The following ZC3H12C variants were observed in gnomAD, a reference collection of about 807,000 sequenced individuals.
ZC3H12C encodes the protein probable ribonuclease ZC3H12C.
Under a neutral mutation model 76.3 loss-of-function variants are expected in ZC3H12C, and 20 were observed. The ratio of observed to expected loss-of-function variants is 0.26; its 90% CI spans 0.18 to 0.38. ZC3H12C has a LOEUF of 0.38. ZC3H12C is among the 10% of genes least tolerant of loss of function. The pLI, the probability that ZC3H12C is intolerant of heterozygous loss-of-function variation, is 1.00. For synonymous variants in ZC3H12C, 352 were observed against 399.6 expected, an observed-to-expected ratio of 0.88 and a Z score of 1.42; for missense variants, 874 against 1,086.5, an observed-to-expected ratio of 0.80 and a Z score of 2.75.
Position 110,137,029 on chromosome 11 carries a change from A to G in ZC3H12C, c.388A>G (p.Ile130Val), listed in dbSNP as rs1212636827. 3.1e-6 allele frequency: 5 copies of G among 1,613,772 alleles called. No homozygotes were observed. The highest frequency in any genetic ancestry group is 2.7e-5 in the African/African-American group (2 of 74,942). ...CAGGTCTCCCTGTTTAGAGCCTCAC[A>G]TACTCAAGCGCAATGAAATTTTGCA... ...LCRSPCLEPH[I>V]LKRNEILQDF... is the part of the protein sequence containing the mutation. The change falls in exon 2 of 6, where the codon ATA (isoleucine) becomes GTA (valine). Residue 130 changes from isoleucine (I) to valine (V), a missense_variant. This residue lies in a region of ZC3H12C where 210 missense variants were observed against 227.1 expected (regional missense o/e 0.92). Transcript: ENST00000278590.
chr11:110,139,176 C>T (rs867095405), intron 2 of ZC3H12C, among the ~76,000 whole-genome samples: 5 of 152,232 alleles, frequency 3.3e-5, no homozygotes, highest in Middle Eastern at 6.8e-3. Flanking sequence ...ATAGCTTTTT[C>T]GGGTGGAGGC....
At chr11:110,152,809 C>A in intron 2 of ZC3H12C, 110 bp from the exon 3 acceptor site, 1 of 1,221,460 alleles carries the variant, frequency 8.2e-7, no homozygotes, top group Non-Finnish European at 1.1e-6. Flanking sequence ...TTAACTCTGA[C>A]GTCTCTTATT....
At chr11:110,163,211 T>G in intron 4 of ZC3H12C, 62 bp from the exon 5 acceptor site, 1 of 1,426,064 alleles carries the variant, frequency 7.0e-7, no homozygotes, top group Non-Finnish European at 9.5e-7. Flanking sequence ...CTTTGTACTC[T>G]TTTTAGAATT....
Position 110,164,751 on chromosome 11 carries a change from C to G in ZC3H12C, c.1666C>G (p.Gln556Glu), listed in dbSNP as rs1862545371. The G allele has an allele frequency of 6.2e-7, 1 of 1,614,040 alleles. No homozygotes were observed. The highest frequency in any genetic ancestry group is 8.5e-7 in the Non-Finnish European group (1 of 1,179,900). The change falls in exon 6 of 6, where the codon CAG becomes GAG. Residue 556 changes from glutamine (Q) to glutamate (E), a missense_variant. This residue lies in a region of ZC3H12C where 395 missense variants were observed against 434.4 expected (regional missense o/e 0.91). Coordinates refer to ENST00000278590, the MANE Select transcript of ZC3H12C (RefSeq NM_033390.2). This position sits in a 1 kb window ranked among gnomAD's most constrained non-coding sequence, Gnocchi z 5.7. ...VHFPPQDQRP[Q>E]GQYPSMMMAT... ...TTTCCCACCTCAGGATCAAAGACCACAGGGACAATATCCTTCAATGATGAT... is the reference window on the plus strand; with the variant it reads ...TTTCCCACCTCAGGATCAAAGACCAGAGGGACAATATCCTTCAATGATGAT...
intron 1 of ZC3H12C, among the ~76,000 whole-genome samples, chr11:110,118,340 A>C (rs1239601748): frequency 6.6e-6 from 1 of 152,064 alleles, no homozygotes; most frequent in African/African-American, 2.4e-5. Context: ...ACTACCATTA[A>C]GAATTCACTG....
chr11:110,137,091 GGAA>G lies in ZC3H12C; in HGVS notation c.452_454del (p.Glu151del), dbSNP rs765356937. ...CTGAAGAGTCCCAGACTACATCCAA[GGAA>G]GCAAAGAAACCACCTGATGTGGTGC... On this transcript the variant is annotated inframe_deletion, in exon 2 of 6. Transcript: ENST00000278590. 12 of 1,613,686 alleles carry G rather than the reference GGAA, an allele frequency of 7.4e-6. No homozygotes were observed. Among genetic ancestry groups the G allele is most frequent in the Non-Finnish European group, 1.0e-5 (12 of 1,179,868 alleles).
At chr11:110,122,346 G>A (rs913024639) in intron 1 of ZC3H12C, among the ~76,000 whole-genome samples, 4 of 151,824 alleles carry the variant, frequency 2.6e-5, no homozygotes, top group African/African-American at 9.7e-5. Context: ...ACGCATTTTT[G>A]GTCATCTTTT....
intron 3 of ZC3H12C, among the ~76,000 whole-genome samples, chr11:110,155,245 G>A (rs1862354657): frequency 6.6e-6 from 1 of 151,056 alleles, no homozygotes; most frequent in Admixed American, 6.6e-5. Context: ...GTTGCAGTGA[G>A]CCGAGATCAT....
At chr11:110,135,940 T>A (rs1352557906) in intron 1 of ZC3H12C, 1 of 152,218 alleles carries the variant, frequency 6.6e-6, no homozygotes, top group Non-Finnish European at 1.5e-5. Flanking sequence ...AGCATAATGC[T>A]AGAAATTATA....
chr11:110,099,113 G>T (rs1301819944), intron 1 of ZC3H12C, among the ~76,000 whole-genome samples: 2 of 152,056 alleles, frequency 1.3e-5, no homozygotes, highest in East Asian at 1.9e-4. Flanking sequence ...TTCTAACGTT[G>T]TGTTATTTAA....
At chr11:110,115,169 C>T (rs998168625) in intron 1 of ZC3H12C, among the ~76,000 whole-genome samples, 7 of 152,180 alleles carry the variant, frequency 4.6e-5, no homozygotes, top group South Asian at 4.2e-4. Flanking sequence ...TACAGTGGCA[C>T]GATGATGGCT....
At position 110,153,037 on chromosome 11, in the gene ZC3H12C, C is replaced by T. The variant is rs762506547; in HGVS notation, c.892C>T (p.Arg298Ter). The T allele has an allele frequency of 6.2e-7, 1 of 1,611,626 alleles. No homozygotes were observed. Among genetic ancestry groups the T allele is most frequent in the Admixed American group, 1.7e-5 (1 of 59,752 alleles). Residue 298 changes from arginine to a stop codon, truncating the protein, a stop_gained, in exon 3 of 6, where the codon CGA becomes TGA. Coordinates refer to ENST00000278590, the MANE Select transcript of ZC3H12C (RefSeq NM_033390.2). LOFTEE classifies it high-confidence loss of function. ...TCCTGCTTGGAGGAAAGAGCAATCC[C>T]GACCTGATGCTCTCATTACAGGTAG... is the stretch of plus-strand genomic sequence containing the variant. ...FVPAWRKEQS[R>*]PDALITDQEI...
At chr11:110,132,610 C>T (rs1861887601) in intron 1 of ZC3H12C, among the ~76,000 whole-genome samples, 1 of 152,020 alleles carries the variant, frequency 6.6e-6, no homozygotes, top group Non-Finnish European at 1.5e-5. Context: ...CTTTTGTGTT[C>T]AAGAATATAG....
At chr11:110,126,009 G>C (rs1024809706) in intron 1 of ZC3H12C, among the ~76,000 whole-genome samples, 1 of 152,116 alleles carries the variant, frequency 6.6e-6, no homozygotes, top group Non-Finnish European at 1.5e-5. Context: ...GAGCTCCTTC[G>C]TGTTCTTCCA....
At chr11:110,137,613 T>C (rs374864373) in intron 2 of ZC3H12C, among the ~76,000 whole-genome samples, 199 bp downstream of exon 2, 2 of 152,202 alleles carry the variant, frequency 1.3e-5, no homozygotes, top group East Asian at 3.8e-4. Context: ...TATCCCCGTA[T>C]AGAGACCCAT....
chr11:110,157,177 T>C (rs1862392376), intron 3 of ZC3H12C, among the ~76,000 whole-genome samples: 1 of 107,764 alleles, frequency 9.3e-6, no homozygotes, highest in Non-Finnish European at 2.0e-5. Flanking sequence ...AGACTCCGTC[T>C]CAAAAAAAAA....
At chr11:110,100,212 CTTT>C (rs10656341) in intron 1 of ZC3H12C, among the ~76,000 whole-genome samples, 3 of 134,210 alleles carry the variant, frequency 2.2e-5, no homozygotes, top group South Asian at 2.3e-4. Context: ...CTATATGGTA[CTTT>C]TTTTTTTTTT....
rs946128692 is a variant in ZC3H12C at position 110,169,740 on chromosome 11, A to G, written c.*4003A>G. On this transcript the variant is annotated 3_prime_UTR_variant, in exon 6 of 6. Coordinates refer to ENST00000278590, the MANE Select transcript of ZC3H12C (RefSeq NM_033390.2). Reference sequence around the variant, plus strand: ...ATGCATTAGAATAAGAGAAAACAGTAGTGTTAATAAAAGTAAAGAAACATA... The same window carrying G: ...ATGCATTAGAATAAGAGAAAACAGTGGTGTTAATAAAAGTAAAGAAACATA... The G allele has an allele frequency of 2.6e-5, 4 of 152,256 alleles. No individual in the cohort carries two copies. The highest frequency in any genetic ancestry group is 9.6e-5 in the African/African-American group (4 of 41,474). The allele number at this position is 152,256 out of a possible 1,614,324, so 9.4% of individuals were successfully genotyped here. A position where few individuals can be genotyped will look rare whatever the true frequency, so the allele number is the denominator to read the frequency against.
At chr11:110,162,405 A>G (rs1187288176) in intron 4 of ZC3H12C, among the ~76,000 whole-genome samples, 1 of 152,148 alleles carries the variant, frequency 6.6e-6, no homozygotes, top group African/African-American at 2.4e-5. Flanking sequence ...AAGTGTTACT[A>G]CTCAGCCATG....
Sources: allele counts gnomAD v4.1 joint callset (sites outside exome capture counted in the v4.1 genomes callset), GRCh38; gene constraint gnomAD v4.1.1; regional missense constraint gnomAD v4.1.1; non-coding constraint Gnocchi (gnomAD v3.1); transcripts MANE v1.5; gene names NCBI Gene and HGNC (gene_info 2026-07-23, HGNC 2026-07-21).